Variants in MADD observed in about 807,000 individuals in gnomAD.
MADD encodes MAP kinase activating death domain.
Under a neutral mutation model 176.7 loss-of-function variants are expected in MADD, and 109 were observed. The ratio of observed to expected loss-of-function variants is 0.62; its 90% CI spans 0.53 to 0.72. MADD has a LOEUF of 0.72. Ranked by LOEUF, MADD falls within the 30% of genes least tolerant of loss-of-function variation. The probability of loss-of-function intolerance (pLI) is 0.00; values close to 1 mark genes in which losing one functional copy is unlikely to be tolerated. For missense variants in MADD, 1,914 were observed against 2,045.5 expected, an observed-to-expected ratio of 0.94 and a Z score of 1.24; for synonymous variants, 771 against 771.3, an observed-to-expected ratio of 1.00 and a Z score of 0.01.
exon 3 of MADD, chr11:47,274,708 A>G (rs147756345): frequency 4.3e-6 from 7 of 1,614,082 alleles, no homozygotes; most frequent in Admixed American, 1.7e-5. Context: ...GCGGCGCATG[A>G]GCCTTCGGGA....
chr11:47,326,832 G>A, intron 31 of MADD, 25 bp downstream of exon 35: 1 of 1,613,846 alleles, frequency 6.2e-7, no homozygotes, highest in Non-Finnish European at 8.5e-7. Context: ...TTGCTCTTAG[G>A]TCTGGACTCA....
chr11:47,279,084 G>A lies in MADD; in HGVS notation c.1290+5G>A. On this transcript the variant is annotated splice_donor_5th_base_variant and intron_variant, in intron 7 of 32. Coordinates refer to ENST00000402192, the Ensembl canonical transcript of MADD. ...CTGAAAAAGCATTTAAAGCAGGTAG[G>A]TGAAGAACGAAGGAAAGAAAGGGGA... 1 of 1,613,606 alleles carries A rather than the reference G, an allele frequency of 6.2e-7. No individual in the cohort carries two copies. The highest frequency in any genetic ancestry group is 8.5e-7 in the Non-Finnish European group (1 of 1,179,668).
At position 47,283,762 on chromosome 11, in the gene MADD, A is replaced by G. The variant is rs540919953; in HGVS notation, c.1863-416A>G. Reference sequence around the variant, plus strand: ...AATTTTTTGTGTTTTTAGTAGAGACAAGGTTTCACCATGTTGGCCAGGCTG... The same window carrying G: ...AATTTTTTGTGTTTTTAGTAGAGACGAGGTTTCACCATGTTGGCCAGGCTG... On this transcript the variant is annotated intron_variant, in intron 10 of 32. Coordinates refer to ENST00000402192, the Ensembl canonical transcript of MADD. Among the ~76,000 whole-genome samples the G allele has an allele frequency of 6.6e-5, 10 of 152,150 alleles. No homozygotes were observed. The South Asian group carries it at 1.5e-3, about 22-fold the overall frequency.
intron 25 of MADD, 102 bp from the exon 29 acceptor site, chr11:47,311,630 C>G: frequency 1.4e-6 from 1 of 729,628 alleles, no homozygotes; most frequent in East Asian, 2.5e-5. Context: ...CAGAATTCCA[C>G]TTCTCTCAGA....
At chr11:47,308,884 A>G in intron 23 of MADD, 96 bp from the exon 26 acceptor site, 1 of 1,254,638 alleles carries the variant, frequency 8.0e-7, no homozygotes, top group South Asian at 1.2e-5. Flanking sequence ...AAACTGGACA[A>G]GATTGGGTTT....
At chr11:47,312,402 G>A (rs1316157340) in intron 26 of MADD, among the ~76,000 whole-genome samples, 2 of 151,728 alleles carry the variant, frequency 1.3e-5, no homozygotes, top group African/African-American at 2.4e-5. Flanking sequence ...GCATGTGCCC[G>A]CCCACCCAGC....
intron 22 of MADD, among the ~76,000 whole-genome samples, chr11:47,304,419 CG>C (rs1468644055): frequency 1.3e-5 from 2 of 151,888 alleles, no homozygotes; most frequent in African/African-American, 4.8e-5. Flanking sequence ...TTAATAGGGA[CG>C]GGGTTTCTCC....
Position 47,326,725 on chromosome 11 carries a change from C to T in MADD, c.4543-13C>T. 1.9e-6 allele frequency: 3 copies of T among 1,613,826 alleles called. No homozygotes were observed. Among genetic ancestry groups the T allele is most frequent in the Non-Finnish European group, 2.5e-6 (3 of 1,179,764 alleles). On this transcript the variant is annotated splice_polypyrimidine_tract_variant and intron_variant, in intron 30 of 32. Transcript: ENST00000402192. ...CTGTGGGCCTTACCCCGGCCTCCCT[C>T]CCTCTCTTGCAGGTTTTCATAGAGC...
chr11:47,275,216 G>A, intron 3 of MADD, 57 bp downstream of exon 3: 3 of 1,464,812 alleles, frequency 2.0e-6, no homozygotes, highest in Non-Finnish European at 2.8e-6. Context: ...CATGTAATTG[G>A]TCTTTGAGGG....
chr11:47,295,438 T>C (rs1484356054), intron 20 of MADD, 58 bp from the exon 23 acceptor site: 7 of 1,362,890 alleles, frequency 5.1e-6, no homozygotes, highest in Non-Finnish European at 7.4e-6. Context: ...ACAGTATTTC[T>C]GTGGGAAACT....
chr11:47,273,472 G>T (rs2046808732), intron 1 of MADD, among the ~76,000 whole-genome samples: 1 of 152,168 alleles, frequency 6.6e-6, no homozygotes, highest in Non-Finnish European at 1.5e-5. Context: ...CCGAGTAGCT[G>T]GGATTACAGA....
At chr11:47,305,758 A>G (rs1239007476) in intron 22 of MADD, among the ~76,000 whole-genome samples, 1 of 152,182 alleles carries the variant, frequency 6.6e-6, no homozygotes, top group African/African-American at 2.4e-5. Context: ...TTAGCAGCTC[A>G]GACTCTAGGG....
rs141929604 is a variant in MADD at position 47,315,764 on chromosome 11, C to T, written c.4197+437C>T. Among the ~76,000 whole-genome samples, 62 of 151,380 alleles carry T rather than the reference C, an allele frequency of 4.1e-4. 2 individuals are homozygous for T. In the East Asian group the frequency reaches 6.1e-3, roughly 15 times the overall value. On this transcript the variant is annotated intron_variant, in intron 27 of 32. Coordinates refer to ENST00000402192, the Ensembl canonical transcript of MADD. ...TGCTGGTATTATAGGCATGAGCCAC[C>T]GCACCCGGCCAAATTATCAGATTGT... is the stretch of plus-strand genomic sequence containing the variant.
chr11:47,294,194 AC>A (rs1387795127), intron 20 of MADD, among the ~76,000 whole-genome samples: 2 of 151,234 alleles, frequency 1.3e-5, no homozygotes, highest in East Asian at 3.9e-4. Flanking sequence ...TATGAAAAAT[AC>A]AAAATTAGCC....
chr11:47,324,586 G>A lies in MADD; in HGVS notation c.4542+9G>A, dbSNP rs546650830. The A allele has an allele frequency of 1.2e-4, 193 of 1,593,234 alleles. No homozygotes were observed. The highest frequency in any genetic ancestry group is 1.5e-4 in the Non-Finnish European group (179 of 1,162,630). ...AATTCATGCACAATCAGGTAGGTGCGAGCGGCAGCACGAGGCTCCCTGTCG... is the reference window on the plus strand; with the variant it reads ...AATTCATGCACAATCAGGTAGGTGCAAGCGGCAGCACGAGGCTCCCTGTCG... On this transcript the variant is annotated intron_variant, in intron 30 of 32. Coordinates refer to ENST00000402192, the Ensembl canonical transcript of MADD.
intron 31 of MADD, chr11:47,328,027 G>A (rs2095643184): frequency 2.0e-6 from 2 of 990,292 alleles, no homozygotes; most frequent in South Asian, 9.2e-5. Context: ...GTCTTCTGCT[G>A]GGTGTGTTGC....
chr11:47,319,852 G>A (rs902343551), intron 27 of MADD, among the ~76,000 whole-genome samples: 3 of 151,894 alleles, frequency 2.0e-5, no homozygotes, highest in Non-Finnish European at 2.9e-5. Flanking sequence ...TTAGCCGGGC[G>A]TGTTGGGCAG....
Position 47,284,138 on chromosome 11 carries a change from C to T in MADD, c.1863-40C>T, listed in dbSNP as rs761570393. Reference sequence around the variant, plus strand: ...CTGATTGTAGGTGTTCTCCCTGCCCCTTTCTGTTTTGTTTGTTTTTTATGC... The same window carrying T: ...CTGATTGTAGGTGTTCTCCCTGCCCTTTTCTGTTTTGTTTGTTTTTTATGC... On this transcript the variant is annotated intron_variant, in intron 10 of 32. Transcript: ENST00000402192. 1.5e-5 allele frequency: 21 copies of T among 1,394,352 alleles called. No individual in the cohort carries two copies. The South Asian group carries it at 2.3e-4, about 15-fold the overall frequency. 86.4% of individuals were successfully genotyped at this position (1,394,352 alleles called of 1,614,324 possible).
At chr11:47,292,474 C>A in intron 19 of MADD, 69 bp from the exon 21 acceptor site, 1 of 1,451,888 alleles carries the variant, frequency 6.9e-7, no homozygotes. Context: ...GGGTGGGTTT[C>A]CATTTCGTCT....
Sources: allele counts gnomAD v4.1 joint callset (sites outside exome capture counted in the v4.1 genomes callset), GRCh38; gene constraint gnomAD v4.1.1; transcripts MANE v1.5; gene names NCBI Gene and HGNC (gene_info 2026-07-23, HGNC 2026-07-21).